GREB1: variants seen among roughly 807,000 people sequenced by gnomAD.
GREB1 encodes growth regulating estrogen receptor binding 1, also known as protein GREB1.
In GREB1, 106 loss-of-function variants were observed where a neutral mutation model predicts 200.7. The ratio of observed to expected loss-of-function variants is 0.53; its 90% CI spans 0.45 to 0.62. The LOEUF is 0.62. Ranked by LOEUF, GREB1 falls within the 20% of genes least tolerant of loss-of-function variation. GREB1 has a pLI of 0.00. For missense variants in GREB1, 2,243 were observed against 2,556.8 expected (o/e 0.88, Z 2.65); for synonymous variants, 1,132 against 1,092.4 (o/e 1.04, Z -0.72).
intron 1 of GREB1, among the ~76,000 whole-genome samples, chr2:11,507,464 A>G (rs1484481907): frequency 6.6e-6 from 1 of 152,018 alleles, no homozygotes; most frequent in East Asian, 1.9e-4. Context: ...TAATAGCATC[A>G]AAAGTGGCCC....
At chr2:11,606,404 A>G (rs1220667606) in intron 17 of GREB1, among the ~76,000 whole-genome samples, 1 of 152,140 alleles carries the variant, frequency 6.6e-6, no homozygotes, top group African/African-American at 2.4e-5. Context: ...CGTAATTTTA[A>G]TTTTAATTTC....
intron 27 of GREB1, among the ~76,000 whole-genome samples, 178 bp downstream of exon 27, chr2:11,632,291 G>A (rs148898120): frequency 6.9e-6 from 1 of 144,800 alleles, no homozygotes; most frequent in African/African-American, 2.5e-5. Flanking sequence ...CGCACCCAGT[G>A]TTTGGTTATC....
intron 17 of GREB1, among the ~76,000 whole-genome samples, chr2:11,606,052 C>T (rs1388292925): frequency 1.3e-5 from 2 of 152,184 alleles, no homozygotes; most frequent in Non-Finnish European, 1.5e-5. Context: ...CGTAGCTGTC[C>T]CTTGGTATAC....
At chr2:11,558,844 C>T (rs1178086843) in intron 2 of GREB1, among the ~76,000 whole-genome samples, 1 of 152,100 alleles carries the variant, frequency 6.6e-6, no homozygotes, top group Non-Finnish European at 1.5e-5. Context: ...CTGAACACCC[C>T]TTGATCTGTT....
In GREB1 at chr2:11,600,833, C is replaced by T; in HGVS notation, c.2367C>T (p.Asp789=). 1 of 1,614,126 alleles carries T rather than the reference C, an allele frequency of 6.2e-7. No individual in the cohort carries two copies. The highest frequency in any genetic ancestry group is 2.2e-5 in the East Asian group (1 of 44,886). The change falls in exon 16 of 33, where the codon GAC becomes GAT. Residue 789 remains aspartate, a synonymous_variant. Coordinates refer to ENST00000381486, the MANE Select transcript of GREB1 (RefSeq NM_014668.4). ...STVHNLYSQS[D]PSVGLVDRLL... ...TTCATAACCTCTATTCTCAAAGTGA[C>T]CCGTCGGTGGGATTGGTGGACCGAT...
chr2:11,633,719 A>G lies in GREB1; in HGVS notation c.4992-412A>G, dbSNP rs1685080077. Reference sequence around the variant, plus strand: ...ATTCATTTAACCTACTCCGATATTAAGAAAGGGACATTGCTGCCCCCCCAG... The same window carrying G: ...ATTCATTTAACCTACTCCGATATTAGGAAAGGGACATTGCTGCCCCCCCAG... On this transcript the variant is annotated intron_variant, in intron 28 of 32. Transcript: ENST00000381486. The surrounding 1 kb of genome is among the most constrained non-coding windows in gnomAD (Gnocchi z 4.1). Among the ~76,000 whole-genome samples, 1 of 152,210 alleles carries G rather than the reference A, an allele frequency of 6.6e-6. No individual in the cohort carries two copies. The highest frequency in any genetic ancestry group is 2.1e-4 in the South Asian group (1 of 4,834).
rs1221184237 is a variant in GREB1, at chr2:11,501,917, T to G, written c.-159+19536T>G. 4.2e-4 allele frequency among the ~76,000 whole-genome samples: 48 copies of G among 113,632 alleles called. 2 individuals are homozygous for G. Among genetic ancestry groups the G allele is most frequent in the East Asian group, 2.6e-4 (1 of 3,892 alleles). The allele number at this position is 113,632 out of a possible 152,430, so 74.5% of individuals were successfully genotyped here. A position where few individuals can be genotyped will look rare whatever the true frequency, so the allele number is the denominator to read the frequency against. On this transcript the variant is annotated intron_variant, in intron 1 of 2. Coordinates refer to the GREB1 transcript ENST00000628795. ...CCTGTTTTTTTTTGTTTTTTTTTTT[T>G]TTTTTTTTTTTTTTTTGAGATGGAG...
chr2:11,576,212 C>A, intron 4 of GREB1, 141 bp from the exon 5 acceptor site: 1 of 663,316 alleles, frequency 1.5e-6, no homozygotes, highest in Non-Finnish European at 2.6e-6. Context: ...GAGGCTGAAG[C>A]AGGAGAATCA....
At chr2:11,608,210 C>T (rs1039819249) in intron 17 of GREB1, among the ~76,000 whole-genome samples, 7 of 152,286 alleles carry the variant, frequency 4.6e-5, no homozygotes, top group Non-Finnish European at 7.4e-5. Context: ...TTTCTATCTA[C>T]GACATTGAAG....
chr2:11,502,364 G>A (rs116173642), intron 1 of GREB1, among the ~76,000 whole-genome samples: 1,957 of 151,352 alleles, frequency 0.013, 26 homozygotes, highest in African/African-American at 0.033. Context: ...GTTACTACAG[G>A]CATGCACCAC....
At chr2:11,552,985 G>A (rs1309692254) in intron 1 of GREB1, among the ~76,000 whole-genome samples, 2 of 144,590 alleles carry the variant, frequency 1.4e-5, no homozygotes, top group Non-Finnish European at 3.0e-5. Flanking sequence ...ACTCCAGCCT[G>A]GGCGACAGAG....
rs1292408137 is a variant in GREB1, at chr2:11,556,450, G to T, written c.-161-4G>T. On this transcript the variant is annotated splice_region_variant and splice_polypyrimidine_tract_variant and intron_variant, in intron 1 of 32. Transcript: ENST00000381486. ...TTATATAACTTCCTGTAATTGCCCG[G>T]CAGTAGCTGCAGCTGAGGACAGCCA... The T allele has an allele frequency of 2.6e-5, 14 of 530,048 alleles. No homozygotes were observed. The highest frequency in any genetic ancestry group is 4.6e-5 in the Non-Finnish European group (14 of 302,746). The allele number at this position is 530,048 out of a possible 1,614,324, so 32.8% of individuals were successfully genotyped here. A position where few individuals can be genotyped will look rare whatever the true frequency, so the allele number is the denominator to read the frequency against.
intron 11 of GREB1, among the ~76,000 whole-genome samples, chr2:11,593,675 C>T (rs1308388932): frequency 2.0e-5 from 3 of 152,146 alleles, no homozygotes; most frequent in Admixed American, 2.0e-4. Context: ...CACCATGTCA[C>T]CCAGGCTGGT....
At chr2:11,563,293 T>A (rs932084486) in intron 3 of GREB1, among the ~76,000 whole-genome samples, 5 of 152,160 alleles carry the variant, frequency 3.3e-5, no homozygotes, top group Non-Finnish European at 7.4e-5. Context: ...TTCATACCCA[T>A]CAGTACGTCA....
chr2:11,542,490 G>A (rs1229287449), intron 1 of GREB1, among the ~76,000 whole-genome samples: 3 of 152,168 alleles, frequency 2.0e-5, no homozygotes, highest in Non-Finnish European at 4.4e-5. Flanking sequence ...GAGGGGAAGA[G>A]GGGAGATGGG....
At chr2:11,550,481 C>G (rs1201583048) in intron 1 of GREB1, among the ~76,000 whole-genome samples, 1 of 152,200 alleles carries the variant, frequency 6.6e-6, no homozygotes, top group Non-Finnish European at 1.5e-5. Flanking sequence ...TCCAGATTCT[C>G]TTTGGTTTAA....
At chr2:11,565,049 G>A (rs1677483301) in intron 3 of GREB1, among the ~76,000 whole-genome samples, 2 of 152,166 alleles carry the variant, frequency 1.3e-5, no homozygotes, top group Admixed American at 1.3e-4. Flanking sequence ...ACAATATGTG[G>A]GAATTGTGGG....
chr2:11,602,881 C>T (rs1229316509), intron 17 of GREB1, among the ~76,000 whole-genome samples: 2 of 151,796 alleles, frequency 1.3e-5, no homozygotes, highest in African/African-American at 4.9e-5. Context: ...TCATAGTCAG[C>T]TTTGTTTTTA....
Position 11,640,775 on chromosome 2 carries a change from A to AT in GREB1, c.*328dup, listed in dbSNP as rs1436038996. 4 of 277,096 alleles carry AT rather than the reference A, an allele frequency of 1.4e-5. No individual in the cohort carries two copies. The highest frequency in any genetic ancestry group is 2.7e-5 in the Non-Finnish European group (4 of 150,120). The allele number at this position is 277,096 out of a possible 1,614,324, so 17.2% of individuals were successfully genotyped here. On this transcript the variant is annotated 3_prime_UTR_variant, in exon 33 of 33. Transcript: ENST00000381486. The surrounding 1 kb of genome is among the most constrained non-coding windows in gnomAD (Gnocchi z 4.6). ...TCGTGTGCTTCCATGGACAAACCTGATTTTTTTCTCTTAGTTCTAAAGAAT... is the reference window on the plus strand; with the variant it reads ...TCGTGTGCTTCCATGGACAAACCTGATTTTTTTTCTCTTAGTTCTAAAGAAT...
Sources: gnomAD v4.1 joint callset for allele counts (sites outside exome capture counted in the v4.1 genomes callset) on GRCh38, gnomAD v4.1.1 for gene constraint, Gnocchi (gnomAD v3.1) non-coding constraint, MANE v1.5 for transcripts, NCBI Gene and HGNC (gene_info 2026-07-23, HGNC 2026-07-21) for gene names.